The following LRFN4 variants were observed in gnomAD, a reference collection of about 807,000 sequenced individuals.
LRFN4 encodes leucine-rich repeat and fibronectin type-III domain-containing protein 4.
LRFN4 carries 10 observed loss-of-function variants against 29.0 expected under a neutral mutation model. That is an observed-to-expected ratio of 0.35 (90% confidence interval 0.21 to 0.59). The LOEUF (loss-of-function observed/expected upper bound fraction) is 0.59, where lower values mean the gene tolerates loss of function less well. LRFN4 is among the 20% of genes least tolerant of loss of function. The probability of loss-of-function intolerance (pLI) is 0.82; values close to 1 mark genes in which losing one functional copy is unlikely to be tolerated. For missense variants in LRFN4, 850 were observed against 907.9 expected (o/e 0.94, Z 0.82); for synonymous variants, 493 against 437.0 (o/e 1.13, Z -1.60).
intron 1 of LRFN4, 97 bp from the exon 2 acceptor site, chr11:66,859,539 AG>A: frequency 1.3e-6 from 2 of 1,559,484 alleles, no homozygotes; most frequent in East Asian, 4.5e-5. Context: ...GAGTGGCCCC[AG>A]GGGGAGGGGT....
In LRFN4 at chr11:66,858,232, C is replaced by G; in HGVS notation, c.488C>G (p.Ala163Gly). 1 of 1,612,410 alleles carries G rather than the reference C, an allele frequency of 6.2e-7. No individual in the cohort carries two copies. Among genetic ancestry groups the G allele is most frequent in the Non-Finnish European group, 8.5e-7 (1 of 1,179,894 alleles). Residue 163 changes from alanine (A) to glycine (G), a missense_variant, in exon 1 of 2, where the codon GCC becomes GGC. Ala to Gly is a moderately conservative substitution (Grantham distance 60). Coordinates refer to ENST00000309602, the MANE Select transcript of LRFN4 (RefSeq NM_024036.5). This position sits in a 1 kb window ranked among gnomAD's most constrained non-coding sequence, Gnocchi z 5.9. ...AACAACCTCCGGCAGGTGCCCTGGGCCGGCATCGGCGCCATGCCTGCCCTG... is the reference window on the plus strand; with the variant it reads ...AACAACCTCCGGCAGGTGCCCTGGGGCGGCATCGGCGCCATGCCTGCCCTG... ...SYNNLRQVPW[A>G]GIGAMPALHT...
chr11:66,859,474 A>G (rs1946106001), intron 1 of LRFN4, among the ~76,000 whole-genome samples, 163 bp from the exon 2 acceptor site: 1 of 152,084 alleles, frequency 6.6e-6, no homozygotes, highest in Non-Finnish European at 1.5e-5. Flanking sequence ...GCACACACCC[A>G]TCTCCTGGCC....
In LRFN4 at chr11:66,858,175, TAGAGAGCC is replaced by T; in HGVS notation, c.432_439del (p.Glu145GlyfsTer32). On this transcript the variant is annotated frameshift_variant, in exon 1 of 2. Coordinates refer to ENST00000309602, the MANE Select transcript of LRFN4 (RefSeq NM_024036.5). LOFTEE classifies it high-confidence loss of function. The surrounding 1 kb of genome is among the most constrained non-coding windows in gnomAD (Gnocchi z 5.9). ...GCGCCGGGAGCCTTCGACGACTTCCTAGAGAGCCTGGAGGACCTGGACCTGTCCTACAA... is the reference window on the plus strand; with the variant it reads ...GCGCCGGGAGCCTTCGACGACTTCCTTGGAGGACCTGGACCTGTCCTACAA... 1.2e-6 allele frequency: 2 copies of T among 1,611,424 alleles called. No homozygotes were observed. Among genetic ancestry groups the T allele is most frequent in the Non-Finnish European group, 1.7e-6 (2 of 1,179,166 alleles).
chr11:66,859,984 C>G lies in LRFN4; in HGVS notation c.1697C>G (p.Pro566Arg). 6.2e-7 allele frequency: 1 copy of G among 1,600,728 alleles called. No homozygotes were observed. The highest frequency in any genetic ancestry group is 8.5e-7 in the Non-Finnish European group (1 of 1,173,736). Residue 566 changes from proline to arginine, a missense_variant, in exon 2 of 2, where the codon CCC (proline) becomes CGC (arginine). Around this residue, in one of 2 missense-constraint regions of LRFN4, gnomAD observed 744 missense variants for 753.8 expected, o/e 0.99. Transcript: ENST00000309602. ...VQSQTNGGPS[P>R]TPKAHPPRSP... is the part of the protein sequence containing the mutation. Reference sequence around the variant, plus strand: ...TCCCAGACCAATGGAGGCCCCAGCCCCACACCCAAGGCCCACCCGCCGCGG... The same window carrying G: ...TCCCAGACCAATGGAGGCCCCAGCCGCACACCCAAGGCCCACCCGCCGCGG...
chr11:66,858,661 G>C lies in LRFN4; in HGVS notation c.917G>C (p.Gly306Ala). The change falls in exon 1 of 2, where the codon GGT becomes GCT. Residue 306 changes from glycine (G) to alanine (A), a missense_variant. Physicochemically the swap from Gly to Ala is moderately conservative, Grantham distance 60. This residue lies in a region of LRFN4 where 744 missense variants were observed against 753.8 expected (regional missense o/e 0.99). Transcript: ENST00000309602. This position sits in a 1 kb window ranked among gnomAD's most constrained non-coding sequence, Gnocchi z 5.9. ...QRATLRCRAL[G>A]DPAPTMHWVG... is the part of the protein sequence containing the mutation. Reference sequence around the variant, plus strand: ...GCCACGCTGCGGTGCCGGGCCCTGGGTGACCCCGCGCCTACCATGCACTGG... The same window carrying C: ...GCCACGCTGCGGTGCCGGGCCCTGGCTGACCCCGCGCCTACCATGCACTGG... 6.5e-7 allele frequency: 1 copy of C among 1,543,552 alleles called. No individual in the cohort carries two copies. Among genetic ancestry groups the C allele is most frequent in the Non-Finnish European group, 8.7e-7 (1 of 1,144,494 alleles).
chr11:66,858,629 C>A lies in LRFN4; in HGVS notation c.885C>A (p.Gly295=). Residue 295 remains glycine, a synonymous_variant, in exon 1 of 2, where the codon GGC becomes GGA. Transcript: ENST00000309602. This position sits in a 1 kb window ranked among gnomAD's most constrained non-coding sequence, Gnocchi z 5.9. ...RHTQRLWVLE[G]QRATLRCRAL... ...CGCAGCGCCTCTGGGTGCTGGAAGGCCAGCGGGCCACGCTGCGGTGCCGGG... is the reference window on the plus strand; with the variant it reads ...CGCAGCGCCTCTGGGTGCTGGAAGGACAGCGGGCCACGCTGCGGTGCCGGG... 1 of 1,537,270 alleles carries A rather than the reference C, an allele frequency of 6.5e-7. No individual in the cohort carries two copies. The highest frequency in any genetic ancestry group is 8.7e-7 in the Non-Finnish European group (1 of 1,143,834).
chr11:66,859,041 T>C lies in LRFN4; in HGVS notation c.1297T>C (p.Trp433Arg). 6.6e-7 allele frequency: 1 copy of C among 1,506,374 alleles called. No individual in the cohort carries two copies. The highest frequency in any genetic ancestry group is 8.9e-7 in the Non-Finnish European group (1 of 1,127,706). 93.3% of individuals were successfully genotyped at this position (1,506,374 alleles called of 1,614,324 possible). ...WGPGRPADPV[W>R]MFQIQYNSSE... ...TCCCGGGCGGCCAGCCGACCCAGTGTGGATGTTCCAAATCCAGTACAACAG... is the reference window on the plus strand; with the variant it reads ...TCCCGGGCGGCCAGCCGACCCAGTGCGGATGTTCCAAATCCAGTACAACAG... The change falls in exon 1 of 2, where the codon TGG (tryptophan) becomes CGG (arginine). Residue 433 changes from tryptophan to arginine, a missense_variant. Coordinates refer to ENST00000309602, the MANE Select transcript of LRFN4 (RefSeq NM_024036.5).
In LRFN4 at chr11:66,858,305, C is replaced by T. The variant is rs144433540; in HGVS notation, c.561C>T (p.Gly187=). The T allele has an allele frequency of 2.2e-5, 35 of 1,610,428 alleles. 1 individual carries two copies. Among genetic ancestry groups the T allele is most frequent in the African/African-American group, 1.5e-4 (11 of 75,064 alleles). Residue 187 remains glycine, a synonymous_variant, in exon 1 of 2, where the codon GGC becomes GGT. Coordinates refer to ENST00000309602, the MANE Select transcript of LRFN4 (RefSeq NM_024036.5). The surrounding 1 kb of genome is among the most constrained non-coding windows in gnomAD (Gnocchi z 5.9). ...ACCTTATTGACGCACTGCCCCCAGG[C>T]GCCTTCGCCCAGCTCGGTCAGCTCT... ...DHNLIDALPP[G]AFAQLGQLSR... is the part of the protein sequence containing the mutation.
chr11:66,857,097 C>CACCGCT lies in LRFN4; in HGVS notation c.-646_-641dup, dbSNP rs1315640064. ...GCACCCGCTCGCCTGTCGCCGCCGC[C>CACCGCT]ACCGCTAACCGCGCCGGGAAAAGGT... On this transcript the variant is annotated 5_prime_UTR_variant, in exon 1 of 2. Coordinates refer to ENST00000309602, the MANE Select transcript of LRFN4 (RefSeq NM_024036.5). This position sits in a 1 kb window ranked among gnomAD's most constrained non-coding sequence, Gnocchi z 7.1. 4 of 147,624 alleles carry CACCGCT rather than the reference C, an allele frequency of 2.7e-5. No individual in the cohort carries two copies. The allele number at this position is 147,624 out of a possible 1,614,324, so 9.1% of individuals were successfully genotyped here.
Position 66,860,090 on chromosome 11 carries a change from A to C in LRFN4, c.1803A>C (p.Gly601=), listed in dbSNP as rs747101411. ...AGCYGYARRL[G]GAWARRSHSV... is the part of the protein sequence containing the mutation. ...GCTACGGTTATGCCAGGCGCCTGGG[A>C]GGAGCTTGGGCCCGACGGAGCCACT... The change falls in exon 2 of 2, where the codon GGA becomes GGC. Residue 601 remains glycine, a synonymous_variant. Transcript: ENST00000309602. 6.4e-6 allele frequency: 10 copies of C among 1,554,208 alleles called. No individual in the cohort carries two copies. In the Admixed American group the frequency reaches 1.4e-4, roughly 21 times the overall value.
chr11:66,858,570 T>C lies in LRFN4; in HGVS notation c.826T>C (p.Phe276Leu). Residue 276 changes from phenylalanine to leucine, a missense_variant, in exon 1 of 2, where the codon TTC (phenylalanine) becomes CTC (leucine). Physicochemically the swap from Phe to Leu is conservative, Grantham distance 22. Coordinates refer to ENST00000309602, the MANE Select transcript of LRFN4 (RefSeq NM_024036.5). This position sits in a 1 kb window ranked among gnomAD's most constrained non-coding sequence, Gnocchi z 5.9. Reference sequence around the variant, plus strand: ...CTTCTGGGCAGTGCCCGAGGGCGAGTTCTCCTGTGAGCCGCCCCTCATTGC... The same window carrying C: ...CTTCTGGGCAGTGCCCGAGGGCGAGCTCTCCTGTGAGCCGCCCCTCATTGC... Reference protein sequence around the residue: ...RYFWAVPEGEFSCEPPLIARH... With the variant: ...RYFWAVPEGELSCEPPLIARH... 1 of 1,532,746 alleles carries C rather than the reference T, an allele frequency of 6.5e-7. No individual in the cohort carries two copies. The highest frequency in any genetic ancestry group is 8.7e-7 in the Non-Finnish European group (1 of 1,144,016). 94.9% of individuals were successfully genotyped at this position (1,532,746 alleles called of 1,614,324 possible).
rs149140064 is a variant in LRFN4 at position 66,857,889 on chromosome 11, C to T, written c.145C>T (p.Arg49Cys). ...LLFVPPNVDR[R>C]TVELRLADNF... ...GTTTGTGCCGCCCAACGTGGACCGG[C>T]GCACAGTGGAGCTGCGGCTGGCTGA... is the stretch of plus-strand genomic sequence containing the variant. Residue 49 changes from arginine to cysteine, a missense_variant, in exon 1 of 2, where the codon CGC (arginine) becomes TGC (cysteine). Physicochemically the swap from Arg to Cys is radical, Grantham distance 180 (BLOSUM62 -3). Transcript: ENST00000309602. This position sits in a 1 kb window ranked among gnomAD's most constrained non-coding sequence, Gnocchi z 7.1. 2.5e-6 allele frequency: 4 copies of T among 1,611,628 alleles called. No individual in the cohort carries two copies. The highest frequency in any genetic ancestry group is 2.2e-5 in the South Asian group (2 of 91,074).
rs750352828 is a variant in LRFN4 at position 66,858,503 on chromosome 11, C to T, written c.759C>T (p.Asp253=). The part of the protein sequence containing the change: ...LWLRRLARPD[D]LETCASPPGL... ...TGCGGCGGCTGGCGCGGCCGGACGA[C>T]CTGGAAACGTGCGCCTCCCCGCCCG... Residue 253 remains aspartate, a synonymous_variant, in exon 1 of 2, where the codon GAC becomes GAT. Coordinates refer to ENST00000309602, the MANE Select transcript of LRFN4 (RefSeq NM_024036.5). This position sits in a 1 kb window ranked among gnomAD's most constrained non-coding sequence, Gnocchi z 5.9. 1.0e-5 allele frequency: 16 copies of T among 1,536,896 alleles called. No homozygotes were observed. Among genetic ancestry groups the T allele is most frequent in the Non-Finnish European group, 1.4e-5 (16 of 1,147,300 alleles).
rs948532050 is a variant in LRFN4, at chr11:66,857,465, C to T, written c.-280C>T. On this transcript the variant is annotated 5_prime_UTR_variant, in exon 1 of 2. Transcript: ENST00000309602. The surrounding 1 kb of genome is among the most constrained non-coding windows in gnomAD (Gnocchi z 7.1). ...AAAGGAAGTTCCGGGACCCTCCCTG[C>T]TCTCGGTCCTCCTCCGCTTCCTGCC... The T allele has an allele frequency of 1.5e-5, 6 of 412,386 alleles. No homozygotes were observed. Among genetic ancestry groups the T allele is most frequent in the Admixed American group, 1.2e-4 (3 of 24,774 alleles). The allele number at this position is 412,386 out of a possible 1,614,324, so 25.5% of individuals were successfully genotyped here. A position where few individuals can be genotyped will look rare whatever the true frequency, so the allele number is the denominator to read the frequency against.
chr11:66,857,635 C>CG lies in LRFN4; in HGVS notation c.-107dup, dbSNP rs1945945274. The CG allele has an allele frequency of 7.9e-7, 1 of 1,273,618 alleles. No homozygotes were observed. The highest frequency in any genetic ancestry group is 1.1e-6 in the Non-Finnish European group (1 of 949,266). 78.9% of individuals were successfully genotyped at this position (1,273,618 alleles called of 1,614,324 possible). Reference sequence around the variant, plus strand: ...TTGGGCCTCTGACCCAGCCCCTCCCCGGGCCAGGCTCACAGAAGCTGGCTT... The same window carrying CG: ...TTGGGCCTCTGACCCAGCCCCTCCCCGGGGCCAGGCTCACAGAAGCTGGCTT... On this transcript the variant is annotated 5_prime_UTR_variant, in exon 1 of 2. Coordinates refer to ENST00000309602, the MANE Select transcript of LRFN4 (RefSeq NM_024036.5). The surrounding 1 kb of genome is among the most constrained non-coding windows in gnomAD (Gnocchi z 7.1).
rs964081205 is a variant in LRFN4, at chr11:66,857,109, CGCCGGGAAAAGGT to C, written c.-627_-615del. 6.1e-5 allele frequency: 9 copies of C among 147,822 alleles called. No homozygotes were observed. Among genetic ancestry groups the C allele is most frequent in the Admixed American group, 6.0e-4 (9 of 14,880 alleles). 9.2% of individuals were successfully genotyped at this position (147,822 alleles called of 1,614,324 possible). A position where few individuals can be genotyped will look rare whatever the true frequency, so the allele number is the denominator to read the frequency against. On this transcript the variant is annotated 5_prime_UTR_variant, in exon 1 of 2. Coordinates refer to ENST00000309602, the MANE Select transcript of LRFN4 (RefSeq NM_024036.5). This position sits in a 1 kb window ranked among gnomAD's most constrained non-coding sequence, Gnocchi z 7.1. The stretch of plus-strand genomic sequence containing the variant: ...CTGTCGCCGCCGCCACCGCTAACCG[CGCCGGGAAAAGGT>C]GCCGGGAACCGAGCGAGCCGGGGCC...
rs1233744453 is a variant in LRFN4, at chr11:66,860,397, A to G, written c.*202A>G. 1.3e-6 allele frequency: 1 copy of G among 766,080 alleles called. No homozygotes were observed. 47.5% of individuals were successfully genotyped at this position (766,080 alleles called of 1,614,324 possible). The stretch of plus-strand genomic sequence containing the variant: ...GGGCAGGCCCCTCCAACAGGTGCTC[A>G]CAGCCACCGAGGCAGGGGCTGCAGC... On this transcript the variant is annotated 3_prime_UTR_variant, in exon 2 of 2. Transcript: ENST00000309602.
rs1221585928 is a variant in LRFN4, at chr11:66,857,377, T to C, written c.-368T>C. The C allele has an allele frequency of 4.9e-6, 1 of 205,122 alleles. No homozygotes were observed. The allele number at this position is 205,122 out of a possible 1,614,324, so 12.7% of individuals were successfully genotyped here. A position where few individuals can be genotyped will look rare whatever the true frequency, so the allele number is the denominator to read the frequency against. On this transcript the variant is annotated 5_prime_UTR_variant, in exon 1 of 2. Transcript: ENST00000309602. The surrounding 1 kb of genome is among the most constrained non-coding windows in gnomAD (Gnocchi z 7.1). ...CACGGGAGGTTCGGGGGGCGCCTTC[T>C]CTGGCGGGGGAGGGTATGGCGGGGA...
In LRFN4 at chr11:66,858,515, C is replaced by T. The variant is rs200279686; in HGVS notation, c.771C>T (p.Cys257=). Residue 257 remains cysteine, a synonymous_variant, in exon 1 of 2, where the codon TGC becomes TGT. Coordinates refer to ENST00000309602, the MANE Select transcript of LRFN4 (RefSeq NM_024036.5). This position sits in a 1 kb window ranked among gnomAD's most constrained non-coding sequence, Gnocchi z 5.9. ...CGCGGCCGGACGACCTGGAAACGTG[C>T]GCCTCCCCGCCCGGCCTGGCCGGCC... ...RLARPDDLET[C]ASPPGLAGRY... is the part of the protein sequence containing the mutation. 104 of 1,534,906 alleles carry T rather than the reference C, an allele frequency of 6.8e-5. No homozygotes were observed. The highest frequency in any genetic ancestry group is 3.9e-5 in the Admixed American group (2 of 50,914).
Sources: allele counts gnomAD v4.1 joint callset (sites outside exome capture counted in the v4.1 genomes callset), GRCh38; gene constraint gnomAD v4.1.1; regional missense constraint gnomAD v4.1.1; non-coding constraint Gnocchi (gnomAD v3.1); transcripts MANE v1.5; gene names NCBI Gene and HGNC (gene_info 2026-07-23, HGNC 2026-07-21).